The following TRIO variants were observed in gnomAD, a reference collection of about 807,000 sequenced individuals.
TRIO encodes the protein triple functional domain protein.
TRIO carries 58 observed loss-of-function variants against 351.9 expected under a neutral mutation model. The observed-to-expected ratio is 0.16, with a 90% CI of 0.13 to 0.21. The LOEUF (loss-of-function observed/expected upper bound fraction) is 0.21, where lower values mean the gene tolerates loss of function less well. Ranked by LOEUF, TRIO falls within the 10% of genes least tolerant of loss-of-function variation. The pLI, the probability that TRIO is intolerant of heterozygous loss-of-function variation, is 1.00. For synonymous variants in TRIO, 1,758 were observed against 1,595.7 expected (o/e 1.10, Z -2.42); for missense variants, 3,201 against 4,027.8 (o/e 0.79, Z 5.56).
intron 9 of TRIO, among the ~76,000 whole-genome samples, chr5:14,322,889 A>G (rs887299731): frequency 6.6e-6 from 1 of 152,082 alleles, no homozygotes; most frequent in Non-Finnish European, 1.5e-5. Context: ...TTGGTTTTGG[A>G]TTGGGAACTA....
At chr5:14,301,157 C>T (rs1239015656) in intron 7 of TRIO, among the ~76,000 whole-genome samples, 1 of 152,076 alleles carries the variant, frequency 6.6e-6, no homozygotes, top group Admixed American at 6.5e-5. Flanking sequence ...AATTATTTAT[C>T]CAAGTTCTCC....
rs16903494 is a variant in TRIO, at chr5:14,412,447, C to T, written c.4959+5775C>T. Among the ~76,000 whole-genome samples the T allele has an allele frequency of 4.9e-3, 744 of 152,274 alleles. 6 individuals carry two copies. Among genetic ancestry groups the T allele is most frequent in the African/African-American group, 0.016 (664 of 41,536 alleles). ...CATTTTGAAATATGGCCTAATTCAC[C>T]ATCTTGGGTAAGGGTGTATATCTAT... On this transcript the variant is annotated intron_variant, in intron 33 of 56. Coordinates refer to ENST00000344204, the MANE Select transcript of TRIO (RefSeq NM_007118.4).
chr5:14,354,676 C>T (rs1009544078), intron 11 of TRIO, among the ~76,000 whole-genome samples: 6 of 152,222 alleles, frequency 3.9e-5, no homozygotes, highest in African/African-American at 1.2e-4. Flanking sequence ...CACTTCTGCT[C>T]CAAGTTTGAA....
At chr5:14,274,367 G>A (rs1735316298) in intron 2 of TRIO, among the ~76,000 whole-genome samples, 1 of 152,148 alleles carries the variant, frequency 6.6e-6, no homozygotes, top group Non-Finnish European at 1.5e-5. Context: ...TAGGTCTTGA[G>A]GCTTGATTAG....
At position 14,330,876 on chromosome 5, in the gene TRIO, T is replaced by A. The variant is rs1326846194; in HGVS notation, c.1830T>A (p.His610Gln). The change falls in exon 10 of 57, where the codon CAT becomes CAA. Residue 610 changes from histidine to glutamine, a missense_variant. Coordinates refer to ENST00000344204, the MANE Select transcript of TRIO (RefSeq NM_007118.4). The part of the protein sequence containing the change: ...LHRARALQKR[H>Q]EDFEEVAQNT... ...GGGCCAGAGCATTGCAGAAACGTCA[T>A]GAAGATTTTGAAGAAGTGGCACAGG... is the stretch of plus-strand genomic sequence containing the variant. 1 of 1,613,978 alleles carries A rather than the reference T, an allele frequency of 6.2e-7. No individual in the cohort carries two copies. Among genetic ancestry groups the A allele is most frequent in the South Asian group, 1.1e-5 (1 of 91,084 alleles).
At chr5:14,447,709 A>G (rs1387423000) in intron 34 of TRIO, among the ~76,000 whole-genome samples, 4 of 152,222 alleles carry the variant, frequency 2.6e-5, no homozygotes. Flanking sequence ...ATAGGAAGAC[A>G]TTAGCCAAAA....
intron 12 of TRIO, among the ~76,000 whole-genome samples, chr5:14,358,914 T>C (rs1161180778): frequency 6.6e-6 from 1 of 152,034 alleles, no homozygotes; most frequent in Non-Finnish European, 1.5e-5. Context: ...CGTTGACTGA[T>C]AACTTTACGT....
At chr5:14,179,957 T>A (rs1454000267) in intron 1 of TRIO, among the ~76,000 whole-genome samples, 1 of 151,758 alleles carries the variant, frequency 6.6e-6, no homozygotes, top group Non-Finnish European at 1.5e-5. Context: ...AATCATTAGC[T>A]GGGCGTGGTG....
chr5:14,296,138 G>A (rs1206407516), intron 6 of TRIO, among the ~76,000 whole-genome samples: 3 of 152,194 alleles, frequency 2.0e-5, no homozygotes, highest in African/African-American at 7.2e-5. Context: ...GAGAGAAGGG[G>A]GAAAAACGTA....
intron 31 of TRIO, among the ~76,000 whole-genome samples, chr5:14,401,492 A>G (rs1242268241): frequency 6.6e-6 from 1 of 152,232 alleles, no homozygotes; most frequent in East Asian, 1.9e-4. Flanking sequence ...GGCCAACCGT[A>G]CCCACAGTCC....
chr5:14,422,320 A>T (rs946488063), intron 34 of TRIO, among the ~76,000 whole-genome samples: 1 of 151,530 alleles, frequency 6.6e-6, no homozygotes, highest in Non-Finnish European at 1.5e-5. Flanking sequence ...TATGTCTCTG[A>T]CTCTTACTGC....
intron 1 of TRIO, among the ~76,000 whole-genome samples, chr5:14,251,552 C>G (rs1283076116): frequency 6.6e-6 from 1 of 152,256 alleles, no homozygotes; most frequent in Non-Finnish European, 1.5e-5. Context: ...CCACAGCCAC[C>G]TGCAGCCTTG....
At chr5:14,367,756 A>ATTTATTCCCACTAATTATTCCCACTAATT in intron 16 of TRIO, among the ~76,000 whole-genome samples, 1 of 152,218 alleles carries the variant, frequency 6.6e-6, no homozygotes, top group Non-Finnish European at 1.5e-5. Flanking sequence ...AAGCTACAGA[A>ATTTATTCCCACTAATTATTCCCACTAATT]GTTGCCACTA....
intron 35 of TRIO, among the ~76,000 whole-genome samples, chr5:14,462,235 C>T (rs1374895317): frequency 6.6e-6 from 1 of 152,174 alleles, no homozygotes; most frequent in Non-Finnish European, 1.5e-5. Flanking sequence ...TATGTACATT[C>T]TTGATAAACC....
At chr5:14,306,842 T>C (rs1019398807) in intron 8 of TRIO, among the ~76,000 whole-genome samples, 2 of 152,188 alleles carry the variant, frequency 1.3e-5, no homozygotes, top group Admixed American at 6.5e-5. Context: ...TCTATAAAAA[T>C]GGGGCATCTT....
At chr5:14,398,805 A>T in intron 29 of TRIO, 75 bp from the exon 30 acceptor site, 1 of 1,414,640 alleles carries the variant, frequency 7.1e-7, no homozygotes, top group African/African-American at 1.4e-5. Flanking sequence ...TGTTGAAAAT[A>T]CTAATAATGC....
At chr5:14,490,892 G>A in intron 48 of TRIO, 1 of 455,514 alleles carries the variant, frequency 2.2e-6, no homozygotes, top group Non-Finnish European at 4.4e-6. Flanking sequence ...TGCCATATAA[G>A]TCAGAATACT....
At chr5:14,240,947 G>A (rs1000952298) in intron 1 of TRIO, among the ~76,000 whole-genome samples, 4 of 152,044 alleles carry the variant, frequency 2.6e-5, no homozygotes, top group East Asian at 3.8e-4. Flanking sequence ...CTTTTGAATC[G>A]TGAAATAAGT....
chr5:14,271,179 TA>T (rs1389979809), intron 2 of TRIO, among the ~76,000 whole-genome samples: 1 of 152,156 alleles, frequency 6.6e-6, no homozygotes, highest in African/African-American at 2.4e-5. Context: ...ATCAGTTAAG[TA>T]AAAAAACTGA....
Sources: allele counts gnomAD v4.1 joint callset (sites outside exome capture counted in the v4.1 genomes callset), GRCh38; gene constraint gnomAD v4.1.1; transcripts MANE v1.5; gene names NCBI Gene and HGNC (gene_info 2026-07-23, HGNC 2026-07-21).